Variants in FAM3C observed in about 807,000 individuals in gnomAD.
The protein encoded by FAM3C is FAM3 metabolism regulating signaling molecule C, also known as protein FAM3C.
A neutral mutation model predicts 32.5 loss-of-function variants in FAM3C; 15 were observed. The observed-to-expected ratio is 0.46, with a 90% confidence interval of 0.31 to 0.71. The LOEUF (loss-of-function observed/expected upper bound fraction) is 0.71, where lower values mean the gene tolerates loss of function less well. Ranked by LOEUF, FAM3C falls within the 30% of genes least tolerant of loss-of-function variation. The pLI, the probability that FAM3C is intolerant of heterozygous loss-of-function variation, is 0.05. For missense variants in FAM3C, 175 were observed against 274.4 expected, an observed-to-expected ratio of 0.64 and a Z score of 2.56; for synonymous variants, 75 against 86.1, an observed-to-expected ratio of 0.87 and a Z score of 0.72.
At chr7:121,354,001 T>C (rs571325382) in intron 8 of FAM3C, among the ~76,000 whole-genome samples, 1 of 152,230 alleles carries the variant, frequency 6.6e-6, no homozygotes, top group African/African-American at 2.4e-5. Flanking sequence ...GATGACTTTG[T>C]CAATGACTTC....
At chr7:121,358,414 A>G (rs1793853110) in intron 8 of FAM3C, among the ~76,000 whole-genome samples, 1 of 152,118 alleles carries the variant, frequency 6.6e-6, no homozygotes, top group South Asian at 2.1e-4. Flanking sequence ...TTTATCCTTG[A>G]TAAGTCATCT....
chr7:121,381,277 GA>G (rs2116943879), intron 2 of FAM3C, among the ~76,000 whole-genome samples: 1 of 152,250 alleles, frequency 6.6e-6, no homozygotes, highest in East Asian at 1.9e-4. Flanking sequence ...ACTGTAAGAA[GA>G]ATGGCTATGA....
chr7:121,361,452 A>G (rs1472722913), intron 7 of FAM3C, among the ~76,000 whole-genome samples: 6 of 152,236 alleles, frequency 3.9e-5, no homozygotes, highest in Admixed American at 3.3e-4. Context: ...GAATGCTGCT[A>G]GCGGTAATTA....
chr7:121,384,074 G>A (rs896951570), intron 1 of FAM3C, among the ~76,000 whole-genome samples: 6 of 152,126 alleles, frequency 3.9e-5, no homozygotes, highest in African/African-American at 1.4e-4. Context: ...GACTAGGCAG[G>A]TGGGCTTCAG....
intron 3 of FAM3C, among the ~76,000 whole-genome samples, chr7:121,372,639 A>G (rs76801810): frequency 6.6e-6 from 1 of 152,150 alleles, no homozygotes; most frequent in Non-Finnish European, 1.5e-5. Context: ...TTTACAATTT[A>G]TCAGTTCAAG....
rs1269399097 is a variant in FAM3C, at chr7:121,349,439, CA to C, written c.*1021del. 3.9e-5 allele frequency: 6 copies of C among 152,070 alleles called. No homozygotes were observed. Among genetic ancestry groups the C allele is most frequent in the African/African-American group, 1.4e-4 (6 of 41,406 alleles). 9.4% of individuals were successfully genotyped at this position (152,070 alleles called of 1,614,324 possible). On this transcript the variant is annotated 3_prime_UTR_variant, in exon 10 of 10. Transcript: ENST00000359943. ...GTATAAAGTCATTTGGGGTCAAACA[CA>C]ATTATTTTTTAAATGTTATCAGTCC...
chr7:121,368,247 C>T (rs1340102996), intron 5 of FAM3C, among the ~76,000 whole-genome samples: 1 of 152,156 alleles, frequency 6.6e-6, no homozygotes, highest in Non-Finnish European at 1.5e-5. Context: ...AGATGTTTAA[C>T]AGCATCTCTG....
At chr7:121,383,414 G>A (rs932491142) in intron 1 of FAM3C, among the ~76,000 whole-genome samples, 2 of 152,112 alleles carry the variant, frequency 1.3e-5, no homozygotes, top group African/African-American at 4.8e-5. Flanking sequence ...TAGACATGGG[G>A]CTGGAATTGA....
chr7:121,386,692 C>CATATAT (rs60030100), intron 1 of FAM3C, among the ~76,000 whole-genome samples: 27 of 147,268 alleles, frequency 1.8e-4, no homozygotes, highest in African/African-American at 5.2e-4. Flanking sequence ...CACACGCACA[C>CATATAT]ATATATATAT....
At chr7:121,379,131 T>C in intron 2 of FAM3C, 117 bp from the exon 3 acceptor site, 2 of 592,104 alleles carry the variant, frequency 3.4e-6, no homozygotes, top group South Asian at 2.1e-5. Context: ...TTTGTATCTA[T>C]TAGATCTTAA....
chr7:121,356,435 C>T (rs1793811048), intron 8 of FAM3C, among the ~76,000 whole-genome samples: 1 of 152,160 alleles, frequency 6.6e-6, no homozygotes, highest in Admixed American at 6.5e-5. Context: ...CCTGAAGTAT[C>T]AAATGATTTG....
chr7:121,369,640 T>G (rs547750618), intron 5 of FAM3C, among the ~76,000 whole-genome samples: 10 of 152,346 alleles, frequency 6.6e-5, no homozygotes, highest in Admixed American at 2.6e-4. Context: ...AGCTCCACTG[T>G]CTATGCACTG....
chr7:121,365,449 G>A (rs1425713740), intron 5 of FAM3C, among the ~76,000 whole-genome samples: 3 of 152,076 alleles, frequency 2.0e-5, no homozygotes, highest in Admixed American at 6.5e-5. Context: ...TTTAATCTGT[G>A]TAATATTTTC....
intron 3 of FAM3C, among the ~76,000 whole-genome samples, chr7:121,372,618 T>C (rs1794171020): frequency 6.6e-6 from 1 of 152,174 alleles, no homozygotes; most frequent in Admixed American, 6.5e-5. Context: ...AGGAAGATCA[T>C]TACTAAAAGA....
chr7:121,384,684 T>C (rs553574756), intron 1 of FAM3C, among the ~76,000 whole-genome samples: 3 of 152,312 alleles, frequency 2.0e-5, no homozygotes, highest in East Asian at 1.9e-4. Context: ...GACCACAATA[T>C]AAGCAATGAT....
chr7:121,388,945 G>A (rs1305744522), intron 1 of FAM3C, among the ~76,000 whole-genome samples: 1 of 152,012 alleles, frequency 6.6e-6, no homozygotes, highest in Non-Finnish European at 1.5e-5. Flanking sequence ...TTTTCATTTG[G>A]CGCTCCTGAC....
intron 1 of FAM3C, among the ~76,000 whole-genome samples, chr7:121,394,783 A>T (rs1458989475): frequency 6.6e-6 from 1 of 152,224 alleles, no homozygotes; most frequent in Admixed American, 6.5e-5. Flanking sequence ...CAGGTCGATG[A>T]AGTGACCAAA....
intron 1 of FAM3C, among the ~76,000 whole-genome samples, chr7:121,392,748 C>A (rs1273060028): frequency 6.6e-6 from 1 of 152,144 alleles, no homozygotes; most frequent in Non-Finnish European, 1.5e-5. Context: ...GTTCATATAA[C>A]TTTCTGAATA....
At chr7:121,371,088 A>G (rs1042069294) in intron 5 of FAM3C, among the ~76,000 whole-genome samples, 2 of 152,284 alleles carry the variant, frequency 1.3e-5, no homozygotes, top group Non-Finnish European at 2.9e-5. Context: ...ATAAAGCCGA[A>G]TAAGTGTTAC....
Sources: allele counts gnomAD v4.1 joint callset (sites outside exome capture counted in the v4.1 genomes callset), GRCh38; gene constraint gnomAD v4.1.1; transcripts MANE v1.5; gene names NCBI Gene and HGNC (gene_info 2026-07-23, HGNC 2026-07-21).